Variants in SCEL observed in about 807,000 individuals in gnomAD.
The protein encoded by SCEL is sciellin.
A neutral mutation model predicts 117.6 loss-of-function variants in SCEL; 113 were observed. The ratio of observed to expected loss-of-function variants is 0.96; its 90% CI spans 0.83 to 1.12. The LOEUF is 1.12. Among genes scored for constraint, SCEL ranks in the 50% most tolerant of loss-of-function variants. The pLI is 0.00. For synonymous variants in SCEL, 270 were observed against 256.2 expected (o/e 1.05, Z -0.51); for missense variants, 785 against 810.8 (o/e 0.97, Z 0.39).
intron 31 of SCEL, among the ~76,000 whole-genome samples, chr13:77,641,429 C>T (rs2090552773): frequency 6.6e-6 from 1 of 152,174 alleles, no homozygotes; most frequent in African/African-American, 2.4e-5. Flanking sequence ...AGTTTTGCCT[C>T]TGCCTGTAAC....
At chr13:77,640,874 C>T (rs540107961) in intron 31 of SCEL, 90 bp downstream of exon 31, 2 of 637,404 alleles carry the variant, frequency 3.1e-6, no homozygotes, top group African/African-American at 3.8e-5. Flanking sequence ...TGAGATGAAG[C>T]AAAAACTTTC....
Position 77,613,904 on chromosome 13 carries a change from G to A in SCEL, c.1400G>A (p.Gly467Asp). Residue 467 changes from glycine to aspartate, a missense_variant, in exon 24 of 33, where the codon GGT (glycine) becomes GAT (aspartate). Physicochemically the swap from Gly to Asp is moderately conservative, Grantham distance 94 (BLOSUM62 -1). Coordinates refer to ENST00000349847, the MANE Select transcript of SCEL (RefSeq NM_144777.3). Reference sequence around the variant, plus strand: ...TAATTTTGTTTTAGCAGTGAACAAGGTCTTGATGAACATATTAATGTCAGC... The same window carrying A: ...TAATTTTGTTTTAGCAGTGAACAAGATCTTGATGAACATATTAATGTCAGC... ...IPSANKSSEQ[G>D]LDEHINVSPK... The A allele has an allele frequency of 3.1e-6, 5 of 1,613,310 alleles. No individual in the cohort carries two copies. The highest frequency in any genetic ancestry group is 1.1e-5 in the South Asian group (1 of 91,010).
intron 1 of SCEL, among the ~76,000 whole-genome samples, chr13:77,550,639 T>C (rs1198690111): frequency 2.0e-5 from 3 of 152,162 alleles, no homozygotes; most frequent in African/African-American, 7.2e-5. Context: ...CGTGTCTGGC[T>C]TCTTTCATTT....
intron 7 of SCEL, 45 bp from the exon 8 acceptor site, chr13:77,569,326 A>G (rs755492150): frequency 4.1e-6 from 6 of 1,478,704 alleles, no homozygotes; most frequent in Non-Finnish European, 5.7e-6. Flanking sequence ...GCTGAAATGA[A>G]AAAGTTTGAG....
chr13:77,592,522 T>C (rs964052958), intron 11 of SCEL, among the ~76,000 whole-genome samples: 1 of 151,928 alleles, frequency 6.6e-6, no homozygotes, highest in Middle Eastern at 3.2e-3. Context: ...TAACCATCTA[T>C]GAGATACTGA....
chr13:77,604,081 G>A (rs1034265642), intron 18 of SCEL, among the ~76,000 whole-genome samples: 9 of 151,928 alleles, frequency 5.9e-5, no homozygotes, highest in Non-Finnish European at 1.3e-4. Context: ...GTATCTGAAG[G>A]CAAAGTTGAT....
intron 27 of SCEL, among the ~76,000 whole-genome samples, chr13:77,620,464 T>C (rs1431717531): frequency 6.6e-6 from 1 of 152,232 alleles, no homozygotes; most frequent in East Asian, 1.9e-4. Context: ...TTTGCTGACA[T>C]TTCCAGCAGC....
intron 28 of SCEL, among the ~76,000 whole-genome samples, chr13:77,631,331 A>G (rs753261116): frequency 1.3e-5 from 2 of 152,216 alleles, no homozygotes; most frequent in East Asian, 1.9e-4. Context: ...TGTAAAATCT[A>G]TCACTATCCC....
chr13:77,564,439 T>C (rs1032911813), intron 5 of SCEL, among the ~76,000 whole-genome samples: 2 of 152,176 alleles, frequency 1.3e-5, no homozygotes, highest in African/African-American at 2.4e-5. Context: ...CGTGTGTGCC[T>C]CCTGTTAGTT....
rs1050185697 is a variant in SCEL at position 77,608,090 on chromosome 13, C to T, written c.1192C>T (p.Pro398Ser). 1 of 1,613,338 alleles carries T rather than the reference C, an allele frequency of 6.2e-7. No individual in the cohort carries two copies. Among genetic ancestry groups the T allele is most frequent in the South Asian group, 1.1e-5 (1 of 90,946 alleles). ...QSLDNLIKVT[P>S]EVKRSNQGSK... ...CCTTGATAATCTCATCAAAGTGACC[C>T]CTGAAGTAAAGAGAAGTAACCAAGG... Residue 398 changes from proline (P) to serine (S), a missense_variant, in exon 20 of 33, where the codon CCT becomes TCT. Coordinates refer to ENST00000349847, the MANE Select transcript of SCEL (RefSeq NM_144777.3).
Position 77,593,298 on chromosome 13 carries a change from CTG to C in SCEL, c.693-196_693-195del, listed in dbSNP as rs112759213. On this transcript the variant is annotated intron_variant, in intron 11 of 32. Transcript: ENST00000349847. ...TGTGTGTGTGTGTGTGTGTGTGTGT[CTG>C]TGTGTGTGTGTGTGTGTGTCAGTGG... Among the ~76,000 whole-genome samples the C allele has an allele frequency of 6.0e-3, 440 of 73,446 alleles. 7 individuals carry two copies. The highest frequency in any genetic ancestry group is 0.027 in the Middle Eastern group (4 of 148). The allele number at this position is 73,446 out of a possible 152,430, so 48.2% of individuals were successfully genotyped here.
intron 1 of SCEL, among the ~76,000 whole-genome samples, chr13:77,538,115 CTT>C (rs35197581): frequency 0.071 from 9,086 of 128,750 alleles, 489 homozygotes; most frequent in African/African-American, 0.17. Flanking sequence ...AATCAAAAGT[CTT>C]TTTTTTTTTT....
intron 1 of SCEL, among the ~76,000 whole-genome samples, chr13:77,548,969 A>G (rs2084149527): frequency 6.6e-6 from 1 of 152,138 alleles, no homozygotes; most frequent in South Asian, 2.1e-4. Flanking sequence ...CTGTTGATGG[A>G]CACTTAGGTT....
chr13:77,555,722 T>C (rs1398919737), intron 1 of SCEL, 135 bp from the exon 2 acceptor site: 3 of 594,880 alleles, frequency 5.0e-6, no homozygotes, highest in African/African-American at 3.7e-5. Flanking sequence ...AGGGGCACTT[T>C]ATGTCATGCA....
chr13:77,618,103 G>C, intron 27 of SCEL, 43 bp downstream of exon 27: 2 of 1,493,674 alleles, frequency 1.3e-6, no homozygotes, highest in Non-Finnish European at 1.9e-6. Flanking sequence ...AAGTTTCTAG[G>C]GTAGGAACTT....
chr13:77,538,520 C>T (rs1338343416), intron 1 of SCEL, among the ~76,000 whole-genome samples: 3 of 152,040 alleles, frequency 2.0e-5, no homozygotes, highest in Admixed American at 6.5e-5. Context: ...TTTTGAAGCT[C>T]GGGAGAAGCT....
At chr13:77,624,619 T>C (rs1435936909) in intron 27 of SCEL, among the ~76,000 whole-genome samples, 1 of 152,126 alleles carries the variant, frequency 6.6e-6, no homozygotes, top group Non-Finnish European at 1.5e-5. Flanking sequence ...CAAAGGTAAT[T>C]AAACAAAGCC....
At chr13:77,571,276 G>C (rs1353725487) in intron 8 of SCEL, among the ~76,000 whole-genome samples, 2 of 149,574 alleles carry the variant, frequency 1.3e-5, no homozygotes, top group Non-Finnish European at 3.0e-5. Context: ...CCTCGTCCCA[G>C]CAACTCGGAG....
chr13:77,565,725 G>A (rs1181512410), intron 5 of SCEL, among the ~76,000 whole-genome samples: 1 of 152,160 alleles, frequency 6.6e-6, no homozygotes, highest in South Asian at 2.1e-4. Flanking sequence ...CTGAGTTTAC[G>A]TTTGAAAAGT....
Sources: gnomAD v4.1 joint callset for allele counts (sites outside exome capture counted in the v4.1 genomes callset) on GRCh38, gnomAD v4.1.1 for gene constraint, MANE v1.5 for transcripts, NCBI Gene and HGNC (gene_info 2026-07-23, HGNC 2026-07-21) for gene names.